The following GXYLT2 variants were observed in gnomAD, a reference collection of about 807,000 sequenced individuals.
GXYLT2 encodes the protein glycosyltransferase 8 domain containing 4.
Under a neutral mutation model 45.8 loss-of-function variants are expected in GXYLT2, and 53 were observed. That is an observed-to-expected ratio of 1.16 (90% CI 0.93 to 1.46). The LOEUF (loss-of-function observed/expected upper bound fraction) is 1.46, where lower values mean the gene tolerates loss of function less well. GXYLT2 is among the 40% of genes most tolerant of loss of function. GXYLT2 has a pLI of 0.00. For missense variants in GXYLT2, 551 were observed against 544.4 expected, an observed-to-expected ratio of 1.01 and a Z score of -0.12; for synonymous variants, 219 against 214.2, an observed-to-expected ratio of 1.02 and a Z score of -0.19.
intron 3 of GXYLT2, among the ~76,000 whole-genome samples, chr3:72,927,512 C>T (rs1336986305): frequency 6.6e-6 from 1 of 152,100 alleles, no homozygotes; most frequent in Non-Finnish European, 1.5e-5. Context: ...AAAAAGGAAG[C>T]TTATCATACT....
intron 3 of GXYLT2, among the ~76,000 whole-genome samples, chr3:72,927,816 GC>G (rs1709946623): frequency 6.6e-6 from 1 of 152,166 alleles, no homozygotes; most frequent in Admixed American, 6.5e-5. Context: ...TGTTGAACAA[GC>G]TTTCCACAGT....
At chr3:72,919,650 G>A (rs112470314) in intron 2 of GXYLT2, among the ~76,000 whole-genome samples, 2,087 of 152,322 alleles carry the variant, frequency 0.014, 27 homozygotes, top group Non-Finnish European at 0.019. Context: ...AGCTACTCAG[G>A]AGGCTGAAGC....
At chr3:72,894,124 A>G (rs1000584649) in intron 1 of GXYLT2, among the ~76,000 whole-genome samples, 50 of 152,228 alleles carry the variant, frequency 3.3e-4, no homozygotes, top group South Asian at 2.1e-4. Flanking sequence ...AGCTGCCACC[A>G]TATTCATAAG....
Position 72,975,259 on chromosome 3 carries a change from C to T in GXYLT2, c.*100C>T, listed in dbSNP as rs1711074847. 7 of 830,590 alleles carry T rather than the reference C, an allele frequency of 8.4e-6. No individual in the cohort carries two copies. The highest frequency in any genetic ancestry group is 2.4e-4 in the Middle Eastern group (1 of 4,168). 51.5% of individuals were successfully genotyped at this position (830,590 alleles called of 1,614,324 possible). A position where few individuals can be genotyped will look rare whatever the true frequency, so the allele number is the denominator to read the frequency against. On this transcript the variant is annotated 3_prime_UTR_variant, in exon 7 of 7. Coordinates refer to ENST00000389617, the MANE Select transcript of GXYLT2 (RefSeq NM_001080393.2). ...TTTTGTGTGAATATTTAATGGTGCTCCATGACTGTTGAGTTTTAAAAACCT... is the reference window on the plus strand; with the variant it reads ...TTTTGTGTGAATATTTAATGGTGCTTCATGACTGTTGAGTTTTAAAAACCT...
At chr3:72,943,404 T>C (rs1472226464) in intron 3 of GXYLT2, among the ~76,000 whole-genome samples, 1 of 148,802 alleles carries the variant, frequency 6.7e-6, no homozygotes, top group Non-Finnish European at 1.5e-5. Flanking sequence ...GGAGACAGGG[T>C]CTCCCTCTGT....
At chr3:72,929,271 G>A (rs1709979628) in intron 3 of GXYLT2, 1 of 1,401,332 alleles carries the variant, frequency 7.1e-7, no homozygotes, top group African/African-American at 1.4e-5. Flanking sequence ...CAGAACCAAC[G>A]AGGTGGCCGA....
Position 72,963,836 on chromosome 3 carries a change from C to A in GXYLT2, c.977-3711C>A, listed in dbSNP as rs1026774239. ...TACAGTCATGTGCCACCACGCCCAG[C>A]TAATTTTTTTGTATTTTTAGTAGAG... On this transcript the variant is annotated intron_variant, in intron 5 of 6. Transcript: ENST00000389617. Among the ~76,000 whole-genome samples, 6 of 152,038 alleles carry A rather than the reference C, an allele frequency of 3.9e-5. No homozygotes were observed. The East Asian group carries it at 1.2e-3, about 29-fold the overall frequency.
chr3:72,916,262 C>A (rs57582408), intron 2 of GXYLT2, among the ~76,000 whole-genome samples: 4,286 of 149,614 alleles, frequency 0.029, 197 homozygotes, highest in African/African-American at 0.098. Flanking sequence ...GAATACTGAG[C>A]ACAGCCCCTT....
At chr3:72,929,167 T>C (rs1005233676) in intron 3 of GXYLT2, 16 of 1,588,922 alleles carry the variant, frequency 1.0e-5, no homozygotes, top group African/African-American at 2.7e-5. Context: ...CTTACTACTT[T>C]GACCGCGATG....
rs115144228 is a variant in GXYLT2 at position 72,894,655 on chromosome 3, G to A, written c.275+6147G>A. 6.5e-3 allele frequency among the ~76,000 whole-genome samples: 992 copies of A among 152,362 alleles called. 13 individuals carry two copies. The highest frequency in any genetic ancestry group is 0.023 in the African/African-American group (947 of 41,584). On this transcript the variant is annotated intron_variant, in intron 1 of 6. Transcript: ENST00000389617. ...ACCCAGAGAGTCAGTCTTACATTCA[G>A]TGAGGAACATCTGAGCCCTCGTCCT...
chr3:72,897,321 C>G (rs1253498144), intron 1 of GXYLT2, among the ~76,000 whole-genome samples: 1 of 152,212 alleles, frequency 6.6e-6, no homozygotes, highest in Admixed American at 6.5e-5. Flanking sequence ...GCTCTGCTTC[C>G]TTCTGTGTGG....
intron 1 of GXYLT2, among the ~76,000 whole-genome samples, chr3:72,896,454 C>A (rs1005438051): frequency 6.6e-6 from 1 of 152,068 alleles, no homozygotes; most frequent in African/African-American, 2.4e-5. Context: ...ATTCAAGCAG[C>A]CTTTTCTTGT....
chr3:72,929,509 A>G lies in GXYLT2; in HGVS notation c.600+7174A>G, dbSNP rs115682725. ...AAAGAATTGGGTGGCCACGTGACCA[A>G]CTTGTGCAAGATGGGAGCACCCGAA... On this transcript the variant is annotated intron_variant, in intron 3 of 6. Coordinates refer to ENST00000389617, the MANE Select transcript of GXYLT2 (RefSeq NM_001080393.2). The G allele has an allele frequency of 5.0e-3, 6,952 of 1,389,122 alleles. 272 individuals carry two copies. In the African/African-American group the frequency reaches 0.086, roughly 17 times the overall value. The allele number at this position is 1,389,122 out of a possible 1,614,324, so 86.0% of individuals were successfully genotyped here. A position where few individuals can be genotyped will look rare whatever the true frequency, so the allele number is the denominator to read the frequency against.
intron 2 of GXYLT2, among the ~76,000 whole-genome samples, chr3:72,909,469 A>G (rs1385895518): frequency 6.6e-6 from 1 of 151,832 alleles, no homozygotes; most frequent in East Asian, 1.9e-4. Flanking sequence ...ATTAAATTGT[A>G]TTTCTTTTAC....
intron 1 of GXYLT2, among the ~76,000 whole-genome samples, chr3:72,901,678 A>C (rs1008734342): frequency 3.5e-5 from 5 of 144,530 alleles, no homozygotes; most frequent in African/African-American, 1.3e-4. Flanking sequence ...CTCCTGCCTC[A>C]GCCACACGAG....
chr3:72,888,270 C>T lies in GXYLT2; in HGVS notation c.37C>T (p.Leu13Phe). Residue 13 changes from leucine to phenylalanine, a missense_variant, in exon 1 of 7, where the codon CTC becomes TTC. By Grantham distance (22) the Leu-to-Phe change is conservative. Coordinates refer to ENST00000389617, the MANE Select transcript of GXYLT2 (RefSeq NM_001080393.2). ...CAGCAAGGCGGCGGCGCTGCTCTTGCTCGCGCTGGCCGCGCTGCTGCTGGC... is the reference window on the plus strand; with the variant it reads ...CAGCAAGGCGGCGGCGCTGCTCTTGTTCGCGCTGGCCGCGCTGCTGCTGGC... Reference protein sequence around the residue: ...LRSKAAALLLLALAALLLALL... With the variant: ...LRSKAAALLLFALAALLLALL... 1 of 995,056 alleles carries T rather than the reference C, an allele frequency of 1.0e-6. No homozygotes were observed. Among genetic ancestry groups the T allele is most frequent in the Non-Finnish European group, 1.2e-6 (1 of 838,950 alleles). 61.6% of individuals were successfully genotyped at this position (995,056 alleles called of 1,614,324 possible). A position where few individuals can be genotyped will look rare whatever the true frequency, so the allele number is the denominator to read the frequency against.
At position 72,975,485 on chromosome 3, in the gene GXYLT2, C is replaced by A; in HGVS notation, c.*326C>A. On this transcript the variant is annotated 3_prime_UTR_variant, in exon 7 of 7. Transcript: ENST00000389617. Reference sequence around the variant, plus strand: ...ACGTCTGAGACCATTTCAGTGGCACCTGAGGTGTTATATTGATCTAGCATT... The same window carrying A: ...ACGTCTGAGACCATTTCAGTGGCACATGAGGTGTTATATTGATCTAGCATT... 1 of 204,010 alleles carries A rather than the reference C, an allele frequency of 4.9e-6. No individual in the cohort carries two copies. Among genetic ancestry groups the A allele is most frequent in the Non-Finnish European group, 9.8e-6 (1 of 102,278 alleles). The allele number at this position is 204,010 out of a possible 1,614,324, so 12.6% of individuals were successfully genotyped here. A position where few individuals can be genotyped will look rare whatever the true frequency, so the allele number is the denominator to read the frequency against.
chr3:72,888,449 C>A lies in GXYLT2; in HGVS notation c.216C>A (p.Pro72=), dbSNP rs1239904898. 8.3e-7 allele frequency: 1 copy of A among 1,210,782 alleles called. No individual in the cohort carries two copies. The highest frequency in any genetic ancestry group is 4.1e-5 in the Admixed American group (1 of 24,178). 75.0% of individuals were successfully genotyped at this position (1,210,782 alleles called of 1,614,324 possible). Residue 72 remains proline, a synonymous_variant, in exon 1 of 7, where the codon CCC becomes CCA. Transcript: ENST00000389617. ...GASPGVRRRR[P]PRPRPRAGRR... ...GCCCGGGAGTTCGGAGGCGCCGGCC[C>A]CCGCGTCCGCGCCCCCGAGCGGGCC...
intron 1 of GXYLT2, among the ~76,000 whole-genome samples, chr3:72,893,548 A>G (rs1008632002): frequency 2.0e-5 from 3 of 152,116 alleles, no homozygotes; most frequent in Non-Finnish European, 4.4e-5. Context: ...CCTCATGTAC[A>G]CTTAACAGTG....
Sources: allele counts gnomAD v4.1 joint callset (sites outside exome capture counted in the v4.1 genomes callset), GRCh38; gene constraint gnomAD v4.1.1; transcripts MANE v1.5; gene names NCBI Gene and HGNC (gene_info 2026-07-23, HGNC 2026-07-21).